ZNF676: variants seen among roughly 807,000 people sequenced by gnomAD.
ZNF676 encodes zinc finger protein 676.
A neutral mutation model predicts 6.0 loss-of-function variants in ZNF676; 4 were observed. The observed-to-expected ratio is 0.67, with a 90% CI of 0.33 to 1.53. The LOEUF is 1.53. Among genes scored for constraint, ZNF676 ranks in the 40% most tolerant of loss-of-function variants. The pLI is 0.06. For synonymous variants in ZNF676, 198 were observed against 223.1 expected (o/e 0.89, Z 1.00); for missense variants, 644 against 679.7 (o/e 0.95, Z 0.58).
the ZNF676 span, among the ~76,000 whole-genome samples, chr19:22,236,070 C>A: frequency 1.3e-5 from 2 of 151,648 alleles, no homozygotes; most frequent in Non-Finnish European, 2.9e-5. Flanking sequence ...GTAGGAATCA[C>A]CACCTTTGCG....
At chr19:22,192,713 A>G (rs1364242753) in intron 2 of ZNF676, among the ~76,000 whole-genome samples, 1 of 136,136 alleles carries the variant, frequency 7.3e-6, no homozygotes, top group South Asian at 2.4e-4. Context: ...TTACGCGGAT[A>G]TCTATGTGTC....
chr19:22,202,459 G>A (rs547645300), intron 1 of ZNF676, among the ~76,000 whole-genome samples: 3 of 152,282 alleles, frequency 2.0e-5, no homozygotes, highest in African/African-American at 7.2e-5. Context: ...GGAAGCCTGA[G>A]TGGAAAAGGC....
chr19:22,186,985 A>G (rs1434447271), intron 2 of ZNF676, among the ~76,000 whole-genome samples: 4 of 152,154 alleles, frequency 2.6e-5, no homozygotes, highest in African/African-American at 7.2e-5. Flanking sequence ...GAGACAAAAA[A>G]CTAACAAGGA....
the ZNF676 span, among the ~76,000 whole-genome samples, chr19:22,257,272 A>G: frequency 8.7e-3 from 1,319 of 152,240 alleles, 17 homozygotes; most frequent in African/African-American, 0.029. Context: ...GAGGGTAGAG[A>G]ACAGGCAGGA....
At chr19:22,220,434 T>C (rs2024236238), upstream of ZNF676, among the ~76,000 whole-genome samples, 3 of 151,600 alleles carry the variant, frequency 2.0e-5, no homozygotes, top group Admixed American at 2.0e-4. Flanking sequence ...TATGAATCCA[T>C]CTTGTCCTGG....
the ZNF676 span, among the ~76,000 whole-genome samples, chr19:22,225,148 C>T: frequency 1.3e-5 from 2 of 152,278 alleles, no homozygotes; most frequent in African/African-American, 2.4e-5. Context: ...TGGCAAATAT[C>T]TTTCAGCTTT....
At chr19:22,247,425 G>A in the ZNF676 span, among the ~76,000 whole-genome samples, 15 of 152,142 alleles carry the variant, frequency 9.9e-5, no homozygotes, top group African/African-American at 2.2e-4. Flanking sequence ...CTAGCTGGGC[G>A]TGTTGACATA....
Position 22,182,593 on chromosome 19 carries a change from A to AAAAAAAAAAAAAAAAAAAC in ZNF676, c.131-1008_131-1007insGTTTTTTTTTTTTTTTTTT, listed in dbSNP as rs1356303631. 9.2e-4 allele frequency among the ~76,000 whole-genome samples: 84 copies of AAAAAAAAAAAAAAAAAAAC among 90,842 alleles called. 1 individual carries two copies. Among genetic ancestry groups the AAAAAAAAAAAAAAAAAAAC allele is most frequent in the Non-Finnish European group, 1.0e-3 (48 of 47,664 alleles). 59.6% of individuals were successfully genotyped at this position (90,842 alleles called of 152,430 possible). A position where few individuals can be genotyped will look rare whatever the true frequency, so the allele number is the denominator to read the frequency against. On this transcript the variant is annotated intron_variant, in intron 2 of 2. Transcript: ENST00000397121. ...TGATATAGTCAAAGTTCTAAAAAAA[A>AAAAAAAAAAAAAAAAAAAC]AAAAAAAAAGCAAACAAAAAAAAGA...
the ZNF676 span, among the ~76,000 whole-genome samples, chr19:22,235,965 T>C: frequency 2.0e-5 from 3 of 149,798 alleles, no homozygotes; most frequent in East Asian, 2.0e-4. Flanking sequence ...GCAGCTGCAA[T>C]TGGAGTCATC....
At chr19:22,194,361 C>T (rs2023945254) in intron 1 of ZNF676, among the ~76,000 whole-genome samples, 1 of 151,964 alleles carries the variant, frequency 6.6e-6, no homozygotes, top group Non-Finnish European at 1.5e-5. Context: ...GCAATGGCTC[C>T]TGTGAGATCC....
At chr19:22,213,849 T>C (rs1789217931) in intron 1 of ZNF676, among the ~76,000 whole-genome samples, 4 of 152,144 alleles carry the variant, frequency 2.6e-5, no homozygotes, top group Non-Finnish European at 5.9e-5. Context: ...CAGTACTGAA[T>C]CTCAGGTCCA....
In ZNF676 at chr19:22,196,715, T is replaced by C; in HGVS notation, c.-82A>G. 1 of 1,608,594 alleles carries C rather than the reference T, an allele frequency of 6.2e-7. No homozygotes were observed. The highest frequency in any genetic ancestry group is 8.5e-7 in the Non-Finnish European group (1 of 1,175,162). ...AGAATTCTATGGCCACATCCCTAAATGTCAATGCTCCCTGGAAAACACACA... is the reference window on the plus strand; with the variant it reads ...AGAATTCTATGGCCACATCCCTAAACGTCAATGCTCCCTGGAAAACACACA... On this transcript the variant is annotated 5_prime_UTR_variant, in exon 1 of 3. Coordinates refer to ENST00000397121, the MANE Select transcript of ZNF676 (RefSeq NM_001001411.3).
chr19:22,246,212 G>A, the ZNF676 span, among the ~76,000 whole-genome samples: 3 of 152,092 alleles, frequency 2.0e-5, no homozygotes, highest in Non-Finnish European at 4.4e-5. Flanking sequence ...CCTGTAGGCA[G>A]GGCCCATGCA....
At chr19:22,184,417 C>T (rs957335353) in intron 2 of ZNF676, among the ~76,000 whole-genome samples, 1 of 152,156 alleles carries the variant, frequency 6.6e-6, no homozygotes, top group African/African-American at 2.4e-5. Flanking sequence ...GTTTCAAGCA[C>T]AAAACTGGGA....
intron 2 of ZNF676, among the ~76,000 whole-genome samples, chr19:22,190,219 A>C (rs542913202): frequency 1.3e-5 from 2 of 152,274 alleles, no homozygotes; most frequent in South Asian, 2.1e-4. Flanking sequence ...CATCCTTTGC[A>C]GGGACACGGA....
At chr19:22,196,043 C>T (rs115379800) in intron 1 of ZNF676, among the ~76,000 whole-genome samples, 3,646 of 152,196 alleles carry the variant, frequency 0.024, 86 homozygotes, top group African/African-American at 0.066. Context: ...TAAAATCCGA[C>T]GGACCAATCA....
At chr19:22,209,152 C>A (rs2024105669) in intron 1 of ZNF676, among the ~76,000 whole-genome samples, 1 of 151,934 alleles carries the variant, frequency 6.6e-6, no homozygotes, top group South Asian at 2.1e-4. Flanking sequence ...GTAATCCCAG[C>A]TACTTGGGAG....
the ZNF676 span, among the ~76,000 whole-genome samples, chr19:22,239,517 C>T: frequency 6.6e-6 from 1 of 152,066 alleles, no homozygotes; most frequent in Non-Finnish European, 1.5e-5. Context: ...GATTTAGAAC[C>T]TCACCAGTGG....
chr19:22,195,234 T>G (rs996929212), intron 1 of ZNF676, among the ~76,000 whole-genome samples: 8 of 152,138 alleles, frequency 5.3e-5, no homozygotes, highest in African/African-American at 1.4e-4. Context: ...TCTAACAGAC[T>G]CACCTGTGTA....
Sources: gnomAD v4.1 joint callset for allele counts (sites outside exome capture counted in the v4.1 genomes callset) on GRCh38, gnomAD v4.1.1 for gene constraint, MANE v1.5 for transcripts, NCBI Gene and HGNC (gene_info 2026-07-23, HGNC 2026-07-21) for gene names.